The following LRRC49 variants were observed in gnomAD, a reference collection of about 807,000 sequenced individuals.
The protein encoded by LRRC49 is leucine-rich repeat-containing protein 49.
LRRC49 carries 50 observed loss-of-function variants against 83.3 expected under a neutral mutation model. The ratio of observed to expected loss-of-function variants is 0.60; its 90% CI spans 0.48 to 0.76. The LOEUF (loss-of-function observed/expected upper bound fraction) is 0.76, where lower values mean the gene tolerates loss of function less well. Among genes scored for constraint, LRRC49 ranks in the 30% least tolerant of loss-of-function variants. The probability of loss-of-function intolerance (pLI) is 0.00; values close to 1 mark genes in which losing one functional copy is unlikely to be tolerated. For synonymous variants in LRRC49, 286 were observed against 283.3 expected, an observed-to-expected ratio of 1.01 and a Z score of -0.10; for missense variants, 704 against 809.1, an observed-to-expected ratio of 0.87 and a Z score of 1.58.
intron 14 of LRRC49, among the ~76,000 whole-genome samples, chr15:71,017,405 T>A (rs2038860418): frequency 6.6e-6 from 1 of 152,184 alleles, no homozygotes; most frequent in Non-Finnish European, 1.5e-5. Flanking sequence ...CAAACATTTT[T>A]ACAGTTTTAT....
intron 7 of LRRC49, among the ~76,000 whole-genome samples, chr15:70,934,036 C>T (rs1265403897): frequency 6.6e-6 from 1 of 152,130 alleles, no homozygotes; most frequent in Non-Finnish European, 1.5e-5. Context: ...CTCCTGTCCC[C>T]TGTCTAATGA....
intron 1 of LRRC49, among the ~76,000 whole-genome samples, chr15:70,862,305 G>A (rs1213650427): frequency 6.6e-6 from 1 of 152,032 alleles, no homozygotes; most frequent in South Asian, 2.1e-4. Flanking sequence ...CTGGCCGGGC[G>A]CGGTGGCTCA....
chr15:71,027,458 A>G (rs2039209715), intron 14 of LRRC49, among the ~76,000 whole-genome samples: 1 of 152,058 alleles, frequency 6.6e-6, no homozygotes, highest in Non-Finnish European at 1.5e-5. Context: ...AATTTAAAGT[A>G]CTTTTATCTA....
At chr15:70,989,864 C>T in intron 11 of LRRC49, among the ~76,000 whole-genome samples, 1 of 152,156 alleles carries the variant, frequency 6.6e-6, no homozygotes, top group Non-Finnish European at 1.5e-5. Flanking sequence ...GGACCCTCAG[C>T]TGCAGGTTTG....
rs749474576 is a variant in LRRC49 at position 70,894,649 on chromosome 15, C to G, written c.105+1009C>G. The G allele has an allele frequency of 7.0e-6, 9 of 1,283,582 alleles. No homozygotes were observed. In the Admixed American group the frequency reaches 2.1e-4, roughly 30 times the overall value. 79.5% of individuals were successfully genotyped at this position (1,283,582 alleles called of 1,614,324 possible). A position where few individuals can be genotyped will look rare whatever the true frequency, so the allele number is the denominator to read the frequency against. The stretch of plus-strand genomic sequence containing the variant: ...TTTCCTCCTTTGACCAAGTTGGAAA[C>G]CTCTAACCATCACAATTCAGGTGTG... On this transcript the variant is annotated intron_variant, in intron 2 of 15. Transcript: ENST00000260382.
At chr15:70,930,107 GC>G (rs774560251) in intron 7 of LRRC49, among the ~76,000 whole-genome samples, 38 of 152,156 alleles carry the variant, frequency 2.5e-4, no homozygotes, top group Non-Finnish European at 5.0e-4. Context: ...AGTCTACTTT[GC>G]CCAGATCCAG....
chr15:70,903,860 A>C (rs1256290603), intron 4 of LRRC49, among the ~76,000 whole-genome samples: 1 of 152,172 alleles, frequency 6.6e-6, no homozygotes, highest in Non-Finnish European at 1.5e-5. Context: ...TACTGTTTTA[A>C]ATATAGCTCA....
intron 14 of LRRC49, among the ~76,000 whole-genome samples, chr15:71,016,061 T>C (rs1012146670): frequency 3.3e-5 from 5 of 152,298 alleles, no homozygotes; most frequent in Admixed American, 1.3e-4. Flanking sequence ...TCAAAGATAC[T>C]CTTGTGCAAT....
intron 7 of LRRC49, among the ~76,000 whole-genome samples, chr15:70,922,218 T>A (rs1446849344): frequency 6.6e-6 from 1 of 152,148 alleles, no homozygotes; most frequent in African/African-American, 2.4e-5. Context: ...GGAAGAGATA[T>A]CTGCATCCCT....
intron 2 of LRRC49, among the ~76,000 whole-genome samples, chr15:70,878,964 A>G (rs1182391023): frequency 6.6e-6 from 1 of 152,218 alleles, no homozygotes; most frequent in Non-Finnish European, 1.5e-5. Flanking sequence ...TGAACTCATG[A>G]GATGGGAAGT....
intron 9 of LRRC49, among the ~76,000 whole-genome samples, chr15:70,971,092 A>G (rs982653100): frequency 2.0e-5 from 3 of 152,064 alleles, no homozygotes; most frequent in African/African-American, 7.2e-5. Context: ...TCAATTTTAG[A>G]TCTTTCCCAC....
intron 8 of LRRC49, among the ~76,000 whole-genome samples, chr15:70,946,158 C>A (rs2141172202): frequency 6.6e-6 from 1 of 152,186 alleles, no homozygotes; most frequent in South Asian, 2.1e-4. Flanking sequence ...GTATACAATA[C>A]ATTGTTATTA....
intron 1 of LRRC49, among the ~76,000 whole-genome samples, chr15:70,870,937 C>T (rs569699714): frequency 5.5e-5 from 7 of 128,060 alleles, no homozygotes; most frequent in African/African-American, 1.4e-4. Flanking sequence ...CTGATTCTGC[C>T]ATGCTTAGTT....
intron 14 of LRRC49, among the ~76,000 whole-genome samples, chr15:71,025,535 C>T (rs2039136643): frequency 1.3e-5 from 2 of 152,062 alleles, no homozygotes; most frequent in Admixed American, 6.5e-5. Flanking sequence ...CTTAAATGGG[C>T]TAAATGCCCC....
intron 15 of LRRC49, chr15:71,048,956 G>A: frequency 2.4e-6 from 1 of 408,292 alleles, no homozygotes; most frequent in South Asian, 1.8e-5. Context: ...TCCCATAATA[G>A]AGGGTAAATT....
intron 1 of LRRC49, chr15:70,860,289 AC>A: frequency 1.9e-6 from 1 of 537,524 alleles, no homozygotes; most frequent in Non-Finnish European, 3.3e-6. Context: ...CCCTCAGCCC[AC>A]CCGCGGGGGA....
intron 8 of LRRC49, among the ~76,000 whole-genome samples, chr15:70,953,234 A>G (rs2036283220): frequency 6.6e-6 from 1 of 152,200 alleles, no homozygotes; most frequent in African/African-American, 2.4e-5. Context: ...TCAATGAAGT[A>G]TGTGCTTAAG....
At chr15:71,041,948 G>A (rs983220810) in intron 15 of LRRC49, among the ~76,000 whole-genome samples, 7 of 152,230 alleles carry the variant, frequency 4.6e-5, no homozygotes, top group African/African-American at 1.7e-4. Flanking sequence ...AATCAGAAAA[G>A]CATATTGAAC....
intron 1 of LRRC49, among the ~76,000 whole-genome samples, chr15:70,869,997 C>T (rs2032993904): frequency 6.6e-6 from 1 of 152,154 alleles, no homozygotes; most frequent in African/African-American, 2.4e-5. Context: ...CCTATTTGCT[C>T]ACTAGCCCCT....
Sources: gnomAD v4.1 joint callset for allele counts (sites outside exome capture counted in the v4.1 genomes callset) on GRCh38, gnomAD v4.1.1 for gene constraint, MANE v1.5 for transcripts, NCBI Gene and HGNC (gene_info 2026-07-23, HGNC 2026-07-21) for gene names.